Variants in SYNPO observed in about 807,000 individuals in gnomAD.
SYNPO encodes synaptopodin.
SYNPO carries 19 observed loss-of-function variants against 49.5 expected under a neutral mutation model. The ratio of observed to expected loss-of-function variants is 0.38; its 90% CI spans 0.27 to 0.56. The LOEUF is 0.56. Ranked by LOEUF, SYNPO falls within the 20% of genes least tolerant of loss-of-function variation. SYNPO has a pLI of 0.68. For synonymous variants in SYNPO, 536 were observed against 548.0 expected (o/e 0.98, Z 0.31); for missense variants, 1,131 against 1,248.3 (o/e 0.91, Z 1.42).
chr5:150,611,025 T>A (rs1176146410), intron 1 of SYNPO, among the ~76,000 whole-genome samples: 2 of 152,170 alleles, frequency 1.3e-5, no homozygotes, highest in Admixed American at 6.5e-5. Context: ...ATATGAGGAT[T>A]TAACATAATA....
At chr5:150,620,955 C>CTT (rs869310732) in intron 2 of SYNPO, among the ~76,000 whole-genome samples, 81 of 71,156 alleles carry the variant, frequency 1.1e-3, no homozygotes, top group Non-Finnish European at 1.8e-3. Context: ...CTTTTCTTTT[C>CTT]TTTTTTTTTT....
intron 2 of SYNPO, chr5:150,654,352 G>GCA (rs57174542): frequency 0.35 from 51,664 of 147,378 alleles, 9,122 homozygotes; most frequent in Admixed American, 0.41. Context: ...CCTTTGAGCA[G>GCA]CACACACACA....
chr5:150,655,113 G>T (rs1002951750), intron 2 of SYNPO, among the ~76,000 whole-genome samples: 1 of 152,144 alleles, frequency 6.6e-6, no homozygotes, highest in East Asian at 1.9e-4. Flanking sequence ...CAACAAGAGC[G>T]AAACTCCATC....
chr5:150,619,789 C>T (rs1387816674), intron 2 of SYNPO, among the ~76,000 whole-genome samples: 1 of 152,210 alleles, frequency 6.6e-6, no homozygotes, highest in Non-Finnish European at 1.5e-5. Context: ...CACCAGCCTT[C>T]CCGCCCACTC....
chr5:150,625,251 C>T (rs1338604366), intron 2 of SYNPO, among the ~76,000 whole-genome samples: 1 of 152,234 alleles, frequency 6.6e-6, no homozygotes, highest in Non-Finnish European at 1.5e-5. Flanking sequence ...AGGTGGGCAA[C>T]AGCCCAGAGT....
chr5:150,624,892 T>C, intron 2 of SYNPO: 1 of 985,442 alleles, frequency 1.0e-6, no homozygotes, highest in Non-Finnish European at 1.2e-6. Flanking sequence ...TCGGGGACCG[T>C]GCGCAGCGGC....
intron 2 of SYNPO, among the ~76,000 whole-genome samples, chr5:150,654,786 A>C (rs1758500595): frequency 6.6e-6 from 1 of 152,220 alleles, no homozygotes; most frequent in African/African-American, 2.4e-5. Context: ...CCATGGCAAC[A>C]TGGCAAATGG....
At chr5:150,616,581 C>T (rs116676885) in intron 1 of SYNPO, among the ~76,000 whole-genome samples, 2,764 of 152,304 alleles carry the variant, frequency 0.018, 72 homozygotes, top group African/African-American at 0.063. Flanking sequence ...TGGAATTCTC[C>T]CCTGTTCTCT....
At chr5:150,650,857 T>G (rs1758352668) in intron 2 of SYNPO, 2 of 1,267,592 alleles carry the variant, frequency 1.6e-6, no homozygotes, top group Non-Finnish European at 2.0e-6. Flanking sequence ...CATGGGCCTG[T>G]CTCTTCTGCC....
exon 2 of SYNPO, chr5:150,618,740 C>T: frequency 6.4e-7 from 1 of 1,551,280 alleles, no homozygotes; most frequent in Non-Finnish European, 8.7e-7. Context: ...CAGCCCTGGC[C>T]CTGGGCCCAG....
Position 150,648,932 on chromosome 5 carries a change from C to G in SYNPO, c.657C>G (p.Thr219=). The G allele has an allele frequency of 6.2e-7, 1 of 1,614,256 alleles. No homozygotes were observed. The highest frequency in any genetic ancestry group is 8.5e-7 in the Non-Finnish European group (1 of 1,180,052). Residue 219 remains threonine (T), a synonymous_variant, in exon 2 of 3, where the codon ACC becomes ACG. Transcript: ENST00000307662. This position sits in a 1 kb window ranked among gnomAD's most constrained non-coding sequence, Gnocchi z 5.0. ...GGCGAGCAGCTGCCACCACGCCCAC[C>G]AAGGTCTACAGTGAGGTCCACTTCA... The part of the protein sequence containing the change: ...MSGRAAATTP[T]KVYSEVHFTL...
At chr5:150,641,210 G>A (rs1387661688) in intron 1 of SYNPO, among the ~76,000 whole-genome samples, 1 of 152,214 alleles carries the variant, frequency 6.6e-6, no homozygotes, top group East Asian at 1.9e-4. Context: ...TGGGAGGAAT[G>A]GGGAAGGGGC....
intron 1 of SYNPO, among the ~76,000 whole-genome samples, chr5:150,604,017 G>A (rs760782771): frequency 5.3e-5 from 8 of 152,196 alleles, no homozygotes; most frequent in Admixed American, 1.3e-4. Context: ...CCTTGGGCCT[G>A]GATTCCCTTG....
intron 1 of SYNPO, among the ~76,000 whole-genome samples, chr5:150,606,052 C>T (rs1026078291): frequency 3.3e-5 from 5 of 152,140 alleles, no homozygotes; most frequent in African/African-American, 9.7e-5. Context: ...CACAGATACA[C>T]GCCCAGACAC....
Position 150,618,615 on chromosome 5 carries a change from T to TG in SYNPO, c.251dup (p.Ile85HisfsTer56). The stretch of plus-strand genomic sequence containing the variant: ...GGGACACCGCAGCTGCCCAAAGCCC[T>TG]GGGCATCCAACCACCCAGCTGCTCC... On this transcript the variant is annotated frameshift_variant, in exon 2 of 3. Coordinates refer to the SYNPO transcript ENST00000394243. LOFTEE classifies it high-confidence loss of function. 6.4e-7 allele frequency: 1 copy of TG among 1,551,420 alleles called. No individual in the cohort carries two copies. The highest frequency in any genetic ancestry group is 8.7e-7 in the Non-Finnish European group (1 of 1,146,942).
upstream of SYNPO, chr5:150,640,165 A>G (rs1306856523): frequency 1.0e-6 from 1 of 985,272 alleles, no homozygotes; most frequent in Non-Finnish European, 1.2e-6. Context: ...TACTTTTACT[A>G]GAATAAATAA....
At chr5:150,632,040 C>T (rs554173424) in intron 2 of SYNPO, among the ~76,000 whole-genome samples, 2 of 152,238 alleles carry the variant, frequency 1.3e-5, no homozygotes, top group Admixed American at 6.5e-5. Flanking sequence ...AACCCCCAGC[C>T]AACCCTGGAG....
intron 2 of SYNPO, chr5:150,624,595 G>C (rs1168395226): frequency 6.6e-6 from 1 of 152,222 alleles, no homozygotes; most frequent in African/African-American, 2.4e-5. Context: ...GGTGGAGGAG[G>C]GAGTCGCACC....
chr5:150,599,471 T>A (rs1756482984), upstream of SYNPO, among the ~76,000 whole-genome samples: 1 of 152,198 alleles, frequency 6.6e-6, no homozygotes, highest in South Asian at 2.1e-4. Context: ...GGCCAAGTAC[T>A]GAGTGAGCCC....
Sources: allele counts gnomAD v4.1 joint callset (sites outside exome capture counted in the v4.1 genomes callset), GRCh38; gene constraint gnomAD v4.1.1; non-coding constraint Gnocchi (gnomAD v3.1); transcripts MANE v1.5; gene names NCBI Gene and HGNC (gene_info 2026-07-23, HGNC 2026-07-21).